Variants in ZNF516 observed in about 807,000 individuals in gnomAD.
ZNF516 encodes zinc finger protein 516.
In ZNF516, 19 loss-of-function variants were observed where a neutral mutation model predicts 79.7. That is an observed-to-expected ratio of 0.24 (90% CI 0.17 to 0.35). The LOEUF (loss-of-function observed/expected upper bound fraction) is 0.35, where lower values mean the gene tolerates loss of function less well. Ranked by LOEUF, ZNF516 falls within the 10% of genes least tolerant of loss-of-function variation. ZNF516 has a pLI of 1.00. For synonymous variants in ZNF516, 877 were observed against 739.5 expected, an observed-to-expected ratio of 1.19 and a Z score of -3.02; for missense variants, 1,678 against 1,679.5, an observed-to-expected ratio of 1.00 and a Z score of 0.02.
intron 6 of ZNF516, among the ~76,000 whole-genome samples, chr18:76,363,404 G>A (rs1394228844): frequency 2.0e-5 from 3 of 152,190 alleles, no homozygotes; most frequent in Non-Finnish European, 2.9e-5. Flanking sequence ...AGTGGGGGAA[G>A]GTCTGGTTGA....
In ZNF516 at chr18:76,491,679, G is replaced by A. The variant is rs182913328; in HGVS notation, c.-272+3465C>T. ...AACAAGCGGCCACCGCCCCCACCCCGGGGCGGGCAGGTGAGTCCCCCCCCG... is the reference window on the plus strand; with the variant it reads ...AACAAGCGGCCACCGCCCCCACCCCAGGGCGGGCAGGTGAGTCCCCCCCCG... On this transcript the variant is annotated intron_variant, in intron 1 of 6. Coordinates refer to ENST00000443185, the MANE Select transcript of ZNF516 (RefSeq NM_014643.4). 757 of 398,980 alleles carry A rather than the reference G, an allele frequency of 1.9e-3. 1 individual carries two copies. The highest frequency in any genetic ancestry group is 7.9e-3 in the Middle Eastern group (6 of 762). 24.7% of individuals were successfully genotyped at this position (398,980 alleles called of 1,614,324 possible). A position where few individuals can be genotyped will look rare whatever the true frequency, so the allele number is the denominator to read the frequency against.
At chr18:76,387,476 G>A (rs1907172346) in intron 3 of ZNF516, 2 of 152,146 alleles carry the variant, frequency 1.3e-5, no homozygotes, top group African/African-American at 2.4e-5. Context: ...TCTGTGTGTC[G>A]TGGTAGGTTT....
intron 3 of ZNF516, among the ~76,000 whole-genome samples, chr18:76,407,061 A>G (rs896528730): frequency 9.8e-5 from 15 of 152,324 alleles, no homozygotes; most frequent in African/African-American, 3.6e-4. Flanking sequence ...TGGACAGGTT[A>G]GAACGGCTCT....
At chr18:76,448,340 T>C (rs988499137) in intron 2 of ZNF516, among the ~76,000 whole-genome samples, 1 of 152,246 alleles carries the variant, frequency 6.6e-6, no homozygotes, top group Non-Finnish European at 1.5e-5. Context: ...ATTTACTCTG[T>C]AGGCCAGTAT....
chr18:76,378,314 T>C (rs1368398472), intron 4 of ZNF516: 1 of 152,270 alleles, frequency 6.6e-6, no homozygotes, highest in East Asian at 1.9e-4. Flanking sequence ...AATCCCATTC[T>C]CCAGACTTTA....
intron 1 of ZNF516, among the ~76,000 whole-genome samples, chr18:76,469,267 CAT>C (rs1913683107): frequency 6.6e-6 from 1 of 152,120 alleles, no homozygotes; most frequent in African/African-American, 2.4e-5. Context: ...ACACCCCAAA[CAT>C]ATGATTATTA....
chr18:76,491,646 A>T, intron 1 of ZNF516: 1 of 622,994 alleles, frequency 1.6e-6, no homozygotes, highest in Non-Finnish European at 1.9e-6. Context: ...TCCTCCTGGC[A>T]GCCCAGCAAC....
intron 2 of ZNF516, among the ~76,000 whole-genome samples, chr18:76,460,817 G>A (rs1913054646): frequency 6.6e-6 from 1 of 152,226 alleles, no homozygotes; most frequent in Non-Finnish European, 1.5e-5. Context: ...CATGCCACAT[G>A]ATCGCCTCGC....
chr18:76,386,099 C>T (rs2074987581), intron 3 of ZNF516: 1 of 152,232 alleles, frequency 6.6e-6, no homozygotes, highest in Non-Finnish European at 1.5e-5. Flanking sequence ...TTTCTTTCCA[C>T]CCATAACGGA....
At chr18:76,470,828 C>G (rs918866228) in intron 1 of ZNF516, among the ~76,000 whole-genome samples, 16 of 152,152 alleles carry the variant, frequency 1.1e-4, no homozygotes, top group African/African-American at 3.9e-4. Context: ...TCCTGGCTAA[C>G]ACAGGGAAAC....
At chr18:76,428,379 T>G in intron 3 of ZNF516, among the ~76,000 whole-genome samples, 1 of 126,192 alleles carries the variant, frequency 7.9e-6, no homozygotes, top group Admixed American at 8.8e-5. Flanking sequence ...GACAACAGAG[T>G]GAGATTCTGT....
At chr18:76,396,309 C>T (rs2075145708) in intron 3 of ZNF516, among the ~76,000 whole-genome samples, 1 of 152,128 alleles carries the variant, frequency 6.6e-6, no homozygotes, top group African/African-American at 2.4e-5. Context: ...CAGCCTCTAT[C>T]CAAATGACAC....
chr18:76,401,212 G>A (rs944255253), intron 3 of ZNF516, among the ~76,000 whole-genome samples: 1 of 150,594 alleles, frequency 6.6e-6, no homozygotes, highest in Non-Finnish European at 1.5e-5. Context: ...GCATAAATGG[G>A]TTAAGTTTTG....
At chr18:76,489,961 G>C (rs1400719780) in intron 1 of ZNF516, among the ~76,000 whole-genome samples, 10 of 152,132 alleles carry the variant, frequency 6.6e-5, no homozygotes, top group Admixed American at 5.9e-4. Context: ...TTTTATTACA[G>C]ATCCACCGGG....
intron 2 of ZNF516, among the ~76,000 whole-genome samples, chr18:76,448,636 T>C (rs1475643709): frequency 6.6e-6 from 1 of 152,086 alleles, no homozygotes; most frequent in African/African-American, 2.4e-5. Context: ...TCTGTCCACA[T>C]CCCCGAGGAA....
upstream of ZNF516, chr18:76,496,370 A>C (rs1339199448): frequency 1.6e-6 from 2 of 1,289,402 alleles, no homozygotes; most frequent in African/African-American, 3.0e-5. Flanking sequence ...CCGCGTAGCA[A>C]TCAGCGCTGC....
chr18:76,414,647 T>C (rs139855842), intron 3 of ZNF516, among the ~76,000 whole-genome samples: 27 of 152,392 alleles, frequency 1.8e-4, no homozygotes, highest in African/African-American at 6.0e-4. Flanking sequence ...TGTAGTTGTT[T>C]AAAGGCTCAA....
At chr18:76,373,328 GAAGTA>G (rs2074737694) in intron 4 of ZNF516, among the ~76,000 whole-genome samples, 1 of 151,666 alleles carries the variant, frequency 6.6e-6, no homozygotes, top group South Asian at 2.1e-4. Flanking sequence ...AGAAAAGAAG[GAAGTA>G]AAGAAAAGGA....
At chr18:76,440,782 CGTATG>C (rs1410020428) in intron 3 of ZNF516, among the ~76,000 whole-genome samples, 1 of 144,124 alleles carries the variant, frequency 6.9e-6, no homozygotes, top group Non-Finnish European at 1.5e-5. Context: ...GCGCATGCAT[CGTATG>C]GTGAGAACTG....
Sources: allele counts gnomAD v4.1 joint callset (sites outside exome capture counted in the v4.1 genomes callset), GRCh38; gene constraint gnomAD v4.1.1; transcripts MANE v1.5; gene names NCBI Gene and HGNC (gene_info 2026-07-23, HGNC 2026-07-21).